RASSF8: variants seen among roughly 807,000 people sequenced by gnomAD.
RASSF8 encodes the protein ras association domain-containing protein 8.
RASSF8 carries 22 observed loss-of-function variants against 48.5 expected under a neutral mutation model. That is an observed-to-expected ratio of 0.45 (90% CI 0.32 to 0.65). The LOEUF (loss-of-function observed/expected upper bound fraction) is 0.65. Ranked by LOEUF, RASSF8 falls within the 30% of genes least tolerant of loss-of-function variation. The pLI, the probability that RASSF8 is intolerant of heterozygous loss-of-function variation, is 0.03. For synonymous variants in RASSF8, 127 were observed against 171.5 expected (o/e 0.74, Z 2.03); for missense variants, 418 against 489.2 (o/e 0.85, Z 1.37).
chr12:26,042,554 G>A (rs1182982290), intron 2 of RASSF8, among the ~76,000 whole-genome samples: 2 of 152,002 alleles, frequency 1.3e-5, no homozygotes, highest in Admixed American at 1.3e-4. Context: ...GGAGTAAAAG[G>A]CTTTGCTTAA....
At chr12:25,977,683 A>G (rs1592224654) in intron 1 of RASSF8, among the ~76,000 whole-genome samples, 1 of 152,042 alleles carries the variant, frequency 6.6e-6, no homozygotes, top group African/African-American at 2.4e-5. Flanking sequence ...AAAAAAAAAA[A>G]TAAGAATCTT....
chr12:25,991,025 C>T (rs1053131441), intron 1 of RASSF8, among the ~76,000 whole-genome samples: 9 of 152,032 alleles, frequency 5.9e-5, no homozygotes, highest in South Asian at 2.1e-4. Flanking sequence ...CTTAAATAAC[C>T]AGAGCAATAA....
chr12:25,976,081 C>T (rs542003386), intron 1 of RASSF8, among the ~76,000 whole-genome samples: 1 of 152,176 alleles, frequency 6.6e-6, no homozygotes, highest in Non-Finnish European at 1.5e-5. Context: ...CTCCTCTCCT[C>T]ACCCAGGCTG....
Position 26,064,627 on chromosome 12 carries a change from G to T in RASSF8, c.233G>T (p.Arg78Leu). Residue 78 changes from arginine to leucine, a missense_variant, in exon 4 of 6, where the codon CGA becomes CTA. Coordinates refer to ENST00000689635, the MANE Select transcript of RASSF8 (RefSeq NM_001394098.1). ...GCTAGTGATGTGCAGCTCATTCTAC[G>T]ACGAACTGGGCCGTCTCTCAGTGAG... Reference protein sequence around the residue: ...QYASDVQLILRRTGPSLSERP... With the variant: ...QYASDVQLILLRTGPSLSERP... 1 of 1,614,082 alleles carries T rather than the reference G, an allele frequency of 6.2e-7. No homozygotes were observed. Among genetic ancestry groups the T allele is most frequent in the Non-Finnish European group, 8.5e-7 (1 of 1,180,014 alleles).
chr12:26,025,533 G>C (rs1942890045), intron 2 of RASSF8, among the ~76,000 whole-genome samples: 1 of 139,582 alleles, frequency 7.2e-6, no homozygotes, highest in African/African-American at 2.7e-5. Flanking sequence ...CTGCACTCTA[G>C]CCCTGGGCGA....
At chr12:26,040,557 C>T (rs1272458370) in intron 2 of RASSF8, among the ~76,000 whole-genome samples, 1 of 152,212 alleles carries the variant, frequency 6.6e-6, no homozygotes, top group East Asian at 1.9e-4. Flanking sequence ...GAACCTGCAG[C>T]TCCTGCTAGT....
At chr12:26,054,666 T>G (rs961412233) in intron 2 of RASSF8, among the ~76,000 whole-genome samples, 4 of 152,038 alleles carry the variant, frequency 2.6e-5, no homozygotes, top group Non-Finnish European at 5.9e-5. Flanking sequence ...TGTCAAGACA[T>G]CATACATGAG....
In RASSF8 at chr12:26,067,434, C is replaced by A. The variant is rs991942629; in HGVS notation, c.994-135C>A. The A allele has an allele frequency of 5.1e-6, 5 of 972,480 alleles. No homozygotes were observed. The Admixed American group carries it at 1.1e-4, about 21-fold the overall frequency. The allele number at this position is 972,480 out of a possible 1,614,324, so 60.2% of individuals were successfully genotyped here. On this transcript the variant is annotated intron_variant, in intron 4 of 5. Transcript: ENST00000689635. ...TTTAGCCCATTGTGTCAATATAAAC[C>A]AGATTTGTTAAATGTGCTTTTATGA... is the stretch of plus-strand genomic sequence containing the variant.
intron 2 of RASSF8, among the ~76,000 whole-genome samples, chr12:26,024,146 A>G (rs898731884): frequency 6.6e-6 from 1 of 152,170 alleles, no homozygotes; most frequent in Non-Finnish European, 1.5e-5. Flanking sequence ...CTTGTACTGG[A>G]ATAACAATTC....
chr12:26,065,017 G>T lies in RASSF8; in HGVS notation c.623G>T (p.Arg208Leu). The T allele has an allele frequency of 1.2e-6, 2 of 1,613,350 alleles. No homozygotes were observed. Among genetic ancestry groups the T allele is most frequent in the Non-Finnish European group, 1.7e-6 (2 of 1,179,776 alleles). Reference protein sequence around the residue: ...YNSNLEEEIVRLEQKIKRNDV... With the variant: ...YNSNLEEEIVLLEQKIKRNDV... The stretch of plus-strand genomic sequence containing the variant: ...TCCAACCTTGAAGAGGAAATTGTCC[G>T]TCTAGAGCAAAAGATCAAAAGAAAC... The change falls in exon 4 of 6, where the codon CGT (arginine) becomes CTT (leucine). Residue 208 changes from arginine to leucine, a missense_variant. Arg to Leu is a moderately radical substitution (Grantham distance 102). Coordinates refer to ENST00000689635, the MANE Select transcript of RASSF8 (RefSeq NM_001394098.1).
At chr12:26,005,437 A>G (rs1942367819) in intron 2 of RASSF8, among the ~76,000 whole-genome samples, 1 of 152,204 alleles carries the variant, frequency 6.6e-6, no homozygotes, top group African/African-American at 2.4e-5. Context: ...ATCTTAATCA[A>G]GTCATTCTCT....
At chr12:25,991,792 G>A (rs933434926) in intron 1 of RASSF8, among the ~76,000 whole-genome samples, 11 of 152,174 alleles carry the variant, frequency 7.2e-5, no homozygotes, top group Admixed American at 7.2e-4. Context: ...TCTGTTCATT[G>A]TAGGAGAAGA....
At chr12:26,020,750 C>T (rs921411298) in intron 2 of RASSF8, among the ~76,000 whole-genome samples, 2 of 152,122 alleles carry the variant, frequency 1.3e-5, no homozygotes, top group Admixed American at 1.3e-4. Flanking sequence ...GTATCTATTT[C>T]TAGGGAAAAA....
At chr12:25,958,406 C>A, upstream of RASSF8, 1 of 151,760 alleles carries the variant, frequency 6.6e-6, no homozygotes, top group East Asian at 1.9e-4. Flanking sequence ...GCCCGGTGGG[C>A]CCGAGGGTCG....
intron 3 of RASSF8, among the ~76,000 whole-genome samples, chr12:26,064,208 G>A (rs928338716): frequency 1.3e-5 from 2 of 152,206 alleles, no homozygotes; most frequent in African/African-American, 4.8e-5. Context: ...GTTCTAGGCA[G>A]CCAGGTATTT....
At chr12:26,003,623 T>A (rs753666271) in intron 2 of RASSF8, among the ~76,000 whole-genome samples, 4 of 152,062 alleles carry the variant, frequency 2.6e-5, no homozygotes, top group Non-Finnish European at 4.4e-5. Context: ...AATAACTGTA[T>A]AGGGGGAATA....
intron 2 of RASSF8, among the ~76,000 whole-genome samples, chr12:26,013,631 CTT>C (rs5797155): frequency 2.1e-4 from 32 of 150,550 alleles, no homozygotes; most frequent in South Asian, 6.3e-4. Flanking sequence ...GAAAACTTCA[CTT>C]TTTTTTTTTA....
intron 2 of RASSF8, among the ~76,000 whole-genome samples, chr12:26,026,628 G>T (rs1942919689): frequency 1.3e-5 from 2 of 152,112 alleles, no homozygotes; most frequent in Non-Finnish European, 2.9e-5. Flanking sequence ...TTGGGACAGG[G>T]TTTCACCATG....
At chr12:26,001,602 A>T (rs1942259834) in intron 2 of RASSF8, among the ~76,000 whole-genome samples, 1 of 151,726 alleles carries the variant, frequency 6.6e-6, no homozygotes, top group African/African-American at 2.4e-5. Flanking sequence ...AGACACAAAC[A>T]CACATTTTAG....
Sources: gnomAD v4.1 joint callset for allele counts (sites outside exome capture counted in the v4.1 genomes callset) on GRCh38, gnomAD v4.1.1 for gene constraint, MANE v1.5 for transcripts, NCBI Gene and HGNC (gene_info 2026-07-23, HGNC 2026-07-21) for gene names.